The following ZFPM2 variants were observed in gnomAD, a reference collection of about 807,000 sequenced individuals.
ZFPM2 encodes zinc finger protein, FOG family member 2.
In ZFPM2, 20 loss-of-function variants were observed where a neutral mutation model predicts 98.6. The ratio of observed to expected loss-of-function variants is 0.20; its 90% confidence interval spans 0.14 to 0.29. The LOEUF is 0.29. Ranked by LOEUF, ZFPM2 falls within the 10% of genes least tolerant of loss-of-function variation. The probability of loss-of-function intolerance (pLI) is 1.00; values close to 1 mark genes in which losing one functional copy is unlikely to be tolerated. For missense variants in ZFPM2, 1,310 were observed against 1,388.6 expected (o/e 0.94, Z 0.90); for synonymous variants, 518 against 502.7 (o/e 1.03, Z -0.41).
intron 4 of ZFPM2, among the ~76,000 whole-genome samples, chr8:105,598,631 C>G (rs1216885217): frequency 6.6e-6 from 1 of 152,114 alleles, no homozygotes; most frequent in Non-Finnish European, 1.5e-5. Context: ...CACGCTTTCT[C>G]ACGTTAAATA....
chr8:105,750,457 G>T (rs1278690033), intron 5 of ZFPM2, among the ~76,000 whole-genome samples: 2 of 151,982 alleles, frequency 1.3e-5, no homozygotes, highest in Non-Finnish European at 2.9e-5. Flanking sequence ...GTGAAATTGG[G>T]TTCTACGTTT....
intron 2 of ZFPM2, among the ~76,000 whole-genome samples, chr8:105,432,156 A>G (rs1468157584): frequency 6.6e-6 from 1 of 152,106 alleles, no homozygotes; most frequent in Non-Finnish European, 1.5e-5. Context: ...ATAAAGAGGA[A>G]GATAAATGTT....
intron 5 of ZFPM2, among the ~76,000 whole-genome samples, chr8:105,677,782 T>C (rs145119398): frequency 2.6e-5 from 4 of 152,278 alleles, no homozygotes; most frequent in East Asian, 1.9e-4. Context: ...ATGATATGTC[T>C]AGCATTATCA....
chr8:105,704,913 A>G (rs1188019516), intron 5 of ZFPM2, among the ~76,000 whole-genome samples: 1 of 152,152 alleles, frequency 6.6e-6, no homozygotes, highest in Admixed American at 6.5e-5. Flanking sequence ...ATTCTCCTCT[A>G]GTCAGTTAGT....
chr8:105,609,324 G>A (rs975142532), intron 4 of ZFPM2, among the ~76,000 whole-genome samples: 4 of 152,090 alleles, frequency 2.6e-5, no homozygotes, highest in African/African-American at 9.7e-5. Flanking sequence ...GAGAAATCAA[G>A]CACTGCATAG....
At chr8:105,798,193 T>G (rs903369451) in intron 6 of ZFPM2, 1 of 152,534 alleles carries the variant, frequency 6.6e-6, no homozygotes, top group African/African-American at 2.4e-5. Flanking sequence ...CTTACACCTG[T>G]AACTGCAGCA....
At chr8:105,446,659 A>G (rs963405127) in intron 3 of ZFPM2, among the ~76,000 whole-genome samples, 1 of 152,142 alleles carries the variant, frequency 6.6e-6, no homozygotes, top group African/African-American at 2.4e-5. Context: ...TGGTAAAAAA[A>G]CTTTATACTC....
At chr8:105,786,041 CAAAAAAAAAAA>C (rs60740995) in intron 5 of ZFPM2, among the ~76,000 whole-genome samples, 27 of 39,830 alleles carry the variant, frequency 6.8e-4, no homozygotes, top group Non-Finnish European at 6.2e-4. Flanking sequence ...GACTCCGTCT[CAAAAAAAAAAA>C]AAAAAAAAAA....
intron 3 of ZFPM2, among the ~76,000 whole-genome samples, chr8:105,483,720 A>G (rs989884820): frequency 6.6e-6 from 1 of 150,436 alleles, no homozygotes; most frequent in Non-Finnish European, 1.5e-5. Context: ...TTTGTCAGTC[A>G]TCTGTCTTTT....
chr8:105,423,691 T>C (rs572829147), intron 2 of ZFPM2, among the ~76,000 whole-genome samples: 1 of 152,304 alleles, frequency 6.6e-6, no homozygotes, highest in South Asian at 2.1e-4. Context: ...AGTACATCAG[T>C]ATATTTGTAG....
chr8:105,738,455 T>C (rs2131028287), intron 5 of ZFPM2, among the ~76,000 whole-genome samples: 2 of 152,224 alleles, frequency 1.3e-5, no homozygotes, highest in Middle Eastern at 6.8e-3. Flanking sequence ...ATGGCTTCAA[T>C]ATTGTGAATA....
chr8:105,764,153 G>A (rs1289246645), intron 5 of ZFPM2, among the ~76,000 whole-genome samples: 2 of 151,632 alleles, frequency 1.3e-5, no homozygotes, highest in Non-Finnish European at 2.9e-5. Context: ...CTATAATCAT[G>A]AAACCCAGGG....
chr8:105,800,118 G>T lies in ZFPM2; in HGVS notation c.965-929G>T, dbSNP rs1813956414. Among the ~76,000 whole-genome samples the T allele has an allele frequency of 2.0e-5, 3 of 152,212 alleles. No homozygotes were observed. The South Asian group carries it at 6.2e-4, about 32-fold the overall frequency. On this transcript the variant is annotated intron_variant, in intron 7 of 7. Transcript: ENST00000407775. ...TAAATGGAAAAAAAAATGAGTATTA[G>T]ATTCATTAAGGAGAAAAAGAGACAA...
At position 105,802,263 on chromosome 8, in the gene ZFPM2, T is replaced by A. The variant is rs1814049719; in HGVS notation, c.2181T>A (p.Pro727=). ...AGAGGTCTGCTTCCAACAAAGTGCC[T>A]GCCATGCAGAGAACCATGCGCACAC... ...PLKRSASNKV[P]AMQRTMRTRK... The change falls in exon 8 of 8, where the codon CCT becomes CCA. Residue 727 remains proline, a synonymous_variant. Transcript: ENST00000407775. 2 of 1,613,820 alleles carry A rather than the reference T, an allele frequency of 1.2e-6. No homozygotes were observed. The highest frequency in any genetic ancestry group is 1.7e-6 in the Non-Finnish European group (2 of 1,179,842).
At chr8:105,328,865 T>A (rs1812162560) in intron 1 of ZFPM2, among the ~76,000 whole-genome samples, 2 of 151,804 alleles carry the variant, frequency 1.3e-5, no homozygotes, top group Non-Finnish European at 2.9e-5. Context: ...CTTGCGTTTT[T>A]TGGAAATATT....
intron 5 of ZFPM2, among the ~76,000 whole-genome samples, chr8:105,753,381 C>A (rs1317420749): frequency 6.6e-6 from 1 of 152,078 alleles, no homozygotes; most frequent in Admixed American, 6.6e-5. Context: ...AGGCAGTTCA[C>A]ACACCTCACC....
intron 5 of ZFPM2, among the ~76,000 whole-genome samples, chr8:105,762,642 AT>A (rs1812757847): frequency 6.6e-6 from 1 of 151,908 alleles, no homozygotes; most frequent in African/African-American, 2.4e-5. Context: ...TCATATAAAT[AT>A]TTTTGCACAT....
At chr8:105,621,606 A>G (rs913874793) in intron 4 of ZFPM2, among the ~76,000 whole-genome samples, 1 of 152,144 alleles carries the variant, frequency 6.6e-6, no homozygotes, top group Non-Finnish European at 1.5e-5. Flanking sequence ...TATGTGTTGC[A>G]CTTTCCAAAT....
chr8:105,357,532 A>G (rs1012079987), intron 1 of ZFPM2, among the ~76,000 whole-genome samples: 5 of 152,202 alleles, frequency 3.3e-5, no homozygotes, highest in Admixed American at 1.3e-4. Context: ...TTTAAAAACC[A>G]TAACTAGCTA....
Sources: allele counts gnomAD v4.1 joint callset (sites outside exome capture counted in the v4.1 genomes callset), GRCh38; gene constraint gnomAD v4.1.1; transcripts MANE v1.5; gene names NCBI Gene and HGNC (gene_info 2026-07-23, HGNC 2026-07-21).